Variants in FAM117A observed in about 807,000 individuals in gnomAD.
FAM117A encodes the protein protein FAM117A.
FAM117A carries 21 observed loss-of-function variants against 44.1 expected under a neutral mutation model. The ratio of observed to expected loss-of-function variants is 0.48; its 90% CI spans 0.34 to 0.69. The LOEUF (loss-of-function observed/expected upper bound fraction) is 0.69. Among genes scored for constraint, FAM117A ranks in the 30% least tolerant of loss-of-function variants. The pLI, the probability that FAM117A is intolerant of heterozygous loss-of-function variation, is 0.01. For missense variants in FAM117A, 498 were observed against 589.9 expected (o/e 0.84, Z 1.61); for synonymous variants, 220 against 238.3 (o/e 0.92, Z 0.71).
chr17:49,780,378 T>C (rs181380406), intron 1 of FAM117A, among the ~76,000 whole-genome samples: 1 of 152,190 alleles, frequency 6.6e-6, no homozygotes, highest in South Asian at 2.1e-4. Context: ...GTTCTTATAG[T>C]GGGCAAGACT....
intron 1 of FAM117A, among the ~76,000 whole-genome samples, chr17:49,781,822 A>G (rs1281018623): frequency 2.0e-5 from 3 of 152,060 alleles, no homozygotes; most frequent in Non-Finnish European, 4.4e-5. Context: ...TACAGAAAAT[A>G]AAAAATTAGC....
intron 1 of FAM117A, 200 bp from the exon 2 acceptor site, chr17:49,732,920 T>C: frequency 1.7e-6 from 1 of 582,052 alleles, no homozygotes; most frequent in Non-Finnish European, 3.0e-6. Flanking sequence ...CCAGCCTTTA[T>C]CATGGGAAAC....
At chr17:49,774,885 A>G (rs1265600129) in intron 1 of FAM117A, among the ~76,000 whole-genome samples, 1 of 152,224 alleles carries the variant, frequency 6.6e-6, no homozygotes, top group Non-Finnish European at 1.5e-5. Context: ...CTCATTAAGT[A>G]AAAGAGTTTA....
chr17:49,773,001 C>T (rs988318402), intron 1 of FAM117A, among the ~76,000 whole-genome samples: 2 of 151,860 alleles, frequency 1.3e-5, no homozygotes, highest in African/African-American at 4.8e-5. Context: ...GAAACCCCGT[C>T]TCTACTAAAA....
intron 1 of FAM117A, among the ~76,000 whole-genome samples, chr17:49,749,412 T>TA (rs1348277705): frequency 7.9e-5 from 12 of 151,400 alleles, no homozygotes; most frequent in South Asian, 4.2e-4. Context: ...CCATCTCTAC[T>TA]AAAATACACA....
At chr17:49,725,464 A>T (rs1351372601) in intron 2 of FAM117A, among the ~76,000 whole-genome samples, 1 of 152,246 alleles carries the variant, frequency 6.6e-6, no homozygotes, top group Middle Eastern at 3.2e-3. Context: ...AAATACAGCA[A>T]AGAAAAGGGA....
intron 1 of FAM117A, among the ~76,000 whole-genome samples, chr17:49,763,445 G>T (rs1223510368): frequency 2.0e-5 from 3 of 151,866 alleles, no homozygotes; most frequent in Non-Finnish European, 4.4e-5. Flanking sequence ...GGCTGCACGG[G>T]GCTCTACTCC....
intron 2 of FAM117A, among the ~76,000 whole-genome samples, chr17:49,724,055 G>A (rs1439537459): frequency 2.0e-5 from 3 of 152,042 alleles, no homozygotes; most frequent in Non-Finnish European, 4.4e-5. Context: ...CCATATACTG[G>A]CTCTGTCAGT....
chr17:49,717,579 C>A lies in FAM117A; in HGVS notation c.844G>T (p.Gly282Cys), dbSNP rs1418148142. 6 of 1,614,014 alleles carry A rather than the reference C, an allele frequency of 3.7e-6. No individual in the cohort carries two copies. The highest frequency in any genetic ancestry group is 3.3e-5 in the Admixed American group (2 of 59,996). ...CGATGTTCCTCATGACTGGCCAGGC[C>A]ACAAGGCTGGGGAGATGCCAAGGAC... is the stretch of plus-strand genomic sequence containing the variant. ...SMSLASPQPC[G>C]LASHEEHRGA... The change falls in exon 6 of 8, where the codon GGC (glycine) becomes TGC (cysteine). Residue 282 changes from glycine to cysteine, a missense_variant. Transcript: ENST00000240364.
chr17:49,759,684 G>C (rs2073714985), intron 1 of FAM117A, among the ~76,000 whole-genome samples: 1 of 152,110 alleles, frequency 6.6e-6, no homozygotes, highest in Non-Finnish European at 1.5e-5. Context: ...CCTTTTTATG[G>C]TTCCAGACCT....
intron 7 of FAM117A, among the ~76,000 whole-genome samples, chr17:49,713,532 G>C (rs2073487936): frequency 2.0e-5 from 3 of 151,266 alleles, no homozygotes; most frequent in African/African-American, 7.3e-5. Flanking sequence ...TTTTGGACAG[G>C]GTCTCACTCT....
At chr17:49,776,728 G>A (rs537149454) in intron 1 of FAM117A, among the ~76,000 whole-genome samples, 18 of 152,236 alleles carry the variant, frequency 1.2e-4, no homozygotes, top group Admixed American at 6.5e-4. Flanking sequence ...GGAGGCTGGC[G>A]CTGCCCTTTC....
At chr17:49,758,347 C>T (rs999098240) in intron 1 of FAM117A, among the ~76,000 whole-genome samples, 9 of 146,138 alleles carry the variant, frequency 6.2e-5, no homozygotes, top group South Asian at 4.4e-4. Flanking sequence ...ATAAATAGGC[C>T]GGGTGCGGTG....
intron 1 of FAM117A, among the ~76,000 whole-genome samples, chr17:49,771,033 C>G (rs750411733): frequency 6.6e-6 from 1 of 152,030 alleles, no homozygotes; most frequent in Non-Finnish European, 1.5e-5. Context: ...ATGGAGACAC[C>G]CCCATCTCTA....
intron 2 of FAM117A, among the ~76,000 whole-genome samples, chr17:49,730,255 A>G (rs565578715): frequency 6.6e-6 from 1 of 152,242 alleles, no homozygotes; most frequent in Non-Finnish European, 1.5e-5. Context: ...TCCCAGGGAA[A>G]GAGGAAAGCT....
In FAM117A at chr17:49,711,117, C is replaced by T. The variant is rs2073475086; in HGVS notation, c.*138G>A. 17 of 827,690 alleles carry T rather than the reference C, an allele frequency of 2.1e-5. No homozygotes were observed. The Admixed American group carries it at 4.9e-4, about 24-fold the overall frequency. The allele number at this position is 827,690 out of a possible 1,614,324, so 51.3% of individuals were successfully genotyped here. A position where few individuals can be genotyped will look rare whatever the true frequency, so the allele number is the denominator to read the frequency against. ...TGCCCATCAAAAAGAGGACCCAGGGCTTTGACACAGTAAGTGAAAGAAAGT... is the reference window on the plus strand; with the variant it reads ...TGCCCATCAAAAAGAGGACCCAGGGTTTTGACACAGTAAGTGAAAGAAAGT... On this transcript the variant is annotated 3_prime_UTR_variant, in exon 8 of 8. Coordinates refer to ENST00000240364, the MANE Select transcript of FAM117A (RefSeq NM_030802.4).
intron 1 of FAM117A, among the ~76,000 whole-genome samples, chr17:49,746,060 T>C (rs2073653316): frequency 6.6e-6 from 1 of 152,252 alleles, no homozygotes; most frequent in African/African-American, 2.4e-5. Flanking sequence ...GCCACTGTTA[T>C]GAAGTGACAA....
At chr17:49,784,669 C>T (rs1282323443) in intron 1 of FAM117A, among the ~76,000 whole-genome samples, 1 of 152,236 alleles carries the variant, frequency 6.6e-6, no homozygotes, top group Non-Finnish European at 1.5e-5. Context: ...TCCACTCTTG[C>T]TTCACGTCTT....
chr17:49,721,758 GTGTT>G (rs2073535433), intron 3 of FAM117A, among the ~76,000 whole-genome samples: 1 of 152,198 alleles, frequency 6.6e-6, no homozygotes, highest in South Asian at 2.1e-4. Context: ...CCAGGAAAAA[GTGTT>G]TGGGAGCATT....
Sources: gnomAD v4.1 joint callset for allele counts (sites outside exome capture counted in the v4.1 genomes callset) on GRCh38, gnomAD v4.1.1 for gene constraint, MANE v1.5 for transcripts, NCBI Gene and HGNC (gene_info 2026-07-23, HGNC 2026-07-21) for gene names.